Variants in EAPP observed in about 807,000 individuals in gnomAD.
The protein encoded by EAPP is E2F associated phosphoprotein.
Under a neutral mutation model 34.3 loss-of-function variants are expected in EAPP, and 38 were observed. The observed-to-expected ratio is 1.11, with a 90% CI of 0.85 to 1.45. EAPP has a LOEUF of 1.45. Among genes scored for constraint, EAPP ranks in the 40% most tolerant of loss-of-function variants. EAPP has a pLI of 0.00. For synonymous variants in EAPP, 113 were observed against 117.6 expected (o/e 0.96, Z 0.25); for missense variants, 338 against 343.7 (o/e 0.98, Z 0.13).
chr14:34,531,592 A>G (rs1322238064), intron 3 of EAPP, among the ~76,000 whole-genome samples: 3 of 152,066 alleles, frequency 2.0e-5, no homozygotes, highest in Non-Finnish European at 4.4e-5. Flanking sequence ...ATAGAGCGAG[A>G]CTTTGTCTCA....
At chr14:34,528,043 C>CA (rs1374606153) in intron 4 of EAPP, among the ~76,000 whole-genome samples, 4 of 93,778 alleles carry the variant, frequency 4.3e-5, no homozygotes, top group Admixed American at 4.1e-4. Flanking sequence ...AGCCTCATCT[C>CA]AATTTTTTTT....
chr14:34,535,728 G>C (rs561089256), intron 2 of EAPP: 1 of 160,872 alleles, frequency 6.2e-6, no homozygotes, highest in African/African-American at 2.4e-5. Flanking sequence ...CACCGTGCCC[G>C]GCCCAAATTT....
At chr14:34,537,171 A>G (rs903531493) in intron 1 of EAPP, among the ~76,000 whole-genome samples, 1 of 151,974 alleles carries the variant, frequency 6.6e-6, no homozygotes, top group East Asian at 1.9e-4. Context: ...CCACCATACC[A>G]GCTAATTTTT....
chr14:34,521,192 C>A (rs1879905368), intron 5 of EAPP, among the ~76,000 whole-genome samples: 1 of 152,040 alleles, frequency 6.6e-6, no homozygotes, highest in Non-Finnish European at 1.5e-5. Flanking sequence ...CCTCAGCCTC[C>A]CGAGTAGCTT....
chr14:34,518,866 G>A (rs1879823032), intron 5 of EAPP, among the ~76,000 whole-genome samples: 1 of 152,150 alleles, frequency 6.6e-6, no homozygotes, highest in African/African-American at 2.4e-5. Context: ...CCTTACAAGT[G>A]AAGCAAGTTT....
Position 34,533,538 on chromosome 14 carries a change from T to C in EAPP, c.258A>G (p.Gly86=). The C allele has an allele frequency of 1.9e-6, 3 of 1,576,892 alleles. No individual in the cohort carries two copies. The highest frequency in any genetic ancestry group is 8.6e-7 in the Non-Finnish European group (1 of 1,166,006). Residue 86 remains glycine, a splice_region_variant and synonymous_variant, in exon 3 of 6, where the codon GGA becomes GGG. Coordinates refer to ENST00000250454, the MANE Select transcript of EAPP (RefSeq NM_018453.4). ...MEDKLSSLGT[G]SSSGNGKVAT... is the part of the protein sequence containing the mutation. ...CAACTTTTCCATTTCCTGAGGAAGA[T>C]CCTATTCAAACCAGAAGTAAAGTTT...
intron 5 of EAPP, among the ~76,000 whole-genome samples, chr14:34,521,164 G>A (rs1007264765): frequency 6.6e-6 from 1 of 151,974 alleles, no homozygotes; most frequent in African/African-American, 2.4e-5. Flanking sequence ...CGCCTCCTGG[G>A]TACAAGCGAT....
intron 4 of EAPP, among the ~76,000 whole-genome samples, chr14:34,527,100 G>T (rs1880120846): frequency 6.7e-6 from 1 of 150,228 alleles, no homozygotes; most frequent in Non-Finnish European, 1.5e-5. Flanking sequence ...AACCTGGGAG[G>T]AGGAGGTTGC....
intron 4 of EAPP, among the ~76,000 whole-genome samples, chr14:34,527,442 G>C (rs1263155343): frequency 6.6e-6 from 1 of 151,970 alleles, no homozygotes; most frequent in Non-Finnish European, 1.5e-5. Flanking sequence ...ACCAGGAGGA[G>C]TGCTTGAGCC....
At chr14:34,536,453 CTTTAAT>C (rs1880479196) in intron 1 of EAPP, 178 bp from the exon 2 acceptor site, 3 of 298,756 alleles carry the variant, frequency 1.0e-5, no homozygotes, top group East Asian at 6.1e-5. Context: ...TTCCAATCTT[CTTTAAT>C]TTTTTTTTTT....
chr14:34,536,337 C>T (rs1735572991), intron 1 of EAPP, 62 bp from the exon 2 acceptor site: 1 of 1,311,928 alleles, frequency 7.6e-7, no homozygotes, highest in South Asian at 1.6e-5. Flanking sequence ...TTTTAAACTC[C>T]CAGCATCTCA....
intron 1 of EAPP, among the ~76,000 whole-genome samples, chr14:34,538,932 T>C (rs752073879): frequency 1.3e-5 from 2 of 152,184 alleles, no homozygotes; most frequent in African/African-American, 2.4e-5. Context: ...GTCAATATTC[T>C]CTACAATGCT....
intron 5 of EAPP, among the ~76,000 whole-genome samples, chr14:34,520,889 T>A (rs1370216789): frequency 2.0e-5 from 3 of 152,120 alleles, no homozygotes; most frequent in Admixed American, 2.0e-4. Context: ...AGCTACTTTA[T>A]ATGCTATTTG....
At chr14:34,524,616 CA>C (rs772618044) in intron 5 of EAPP, 80 bp downstream of exon 5, 101,923 of 772,696 alleles carry the variant, frequency 0.13, no homozygotes, top group South Asian at 0.2. Flanking sequence ...ACTCTGACTT[CA>C]AAAAAAAAAA....
chr14:34,529,690 G>A (rs1349901774), intron 3 of EAPP, among the ~76,000 whole-genome samples: 1 of 152,060 alleles, frequency 6.6e-6, no homozygotes, highest in Non-Finnish European at 1.5e-5. Context: ...GACCAGCCTG[G>A]ACAACATGGC....
chr14:34,529,981 A>G (rs1474820063), intron 3 of EAPP, among the ~76,000 whole-genome samples: 3 of 152,110 alleles, frequency 2.0e-5, no homozygotes, highest in Non-Finnish European at 2.9e-5. Context: ...GTGCCACTGC[A>G]CTCCAGCCTG....
At chr14:34,535,576 G>A (rs1238016634) in intron 2 of EAPP, among the ~76,000 whole-genome samples, 2 of 151,648 alleles carry the variant, frequency 1.3e-5, no homozygotes, top group Non-Finnish European at 2.9e-5. Context: ...GGGACTACAG[G>A]CGCCTGCCAC....
chr14:34,534,840 A>ATT (rs373663033), intron 2 of EAPP, among the ~76,000 whole-genome samples: 2 of 140,998 alleles, frequency 1.4e-5, no homozygotes, highest in African/African-American at 2.6e-5. Context: ...GTCTCCACAA[A>ATT]TTTTTTTTTT....
rs977621581 is a variant in EAPP at position 34,534,878 on chromosome 14, C to T, written c.256+1216G>A. On this transcript the variant is annotated intron_variant, in intron 2 of 5. Coordinates refer to ENST00000250454, the MANE Select transcript of EAPP (RefSeq NM_018453.4). ...TTTTTGAGACGGAGTCTAGCTCTGT[C>T]ACCCAGGCTGGAGTGCAATGGCACA... is the stretch of plus-strand genomic sequence containing the variant. Among the ~76,000 whole-genome samples the T allele has an allele frequency of 2.0e-5, 3 of 149,148 alleles. No individual in the cohort carries two copies. The Admixed American group carries it at 2.0e-4, about 10-fold the overall frequency.
Sources: allele counts gnomAD v4.1 joint callset (sites outside exome capture counted in the v4.1 genomes callset), GRCh38; gene constraint gnomAD v4.1.1; transcripts MANE v1.5; gene names NCBI Gene and HGNC (gene_info 2026-07-23, HGNC 2026-07-21).